Variants in HTR1E observed in about 807,000 individuals in gnomAD.
HTR1E encodes the protein 5-HT-1E.
A neutral mutation model predicts 3.4 loss-of-function variants in HTR1E; 3 were observed. That is an observed-to-expected ratio of 0.89 (90% CI 0.41 to 2.31). The LOEUF (loss-of-function observed/expected upper bound fraction) is 2.31. HTR1E is among the 30% of genes most tolerant of loss of function. HTR1E has a pLI of 0.05. For synonymous variants in HTR1E, 170 were observed against 182.8 expected (o/e 0.93, Z 0.56); for missense variants, 392 against 467.0 (o/e 0.84, Z 1.48).
At chr6:87,014,676 A>G (rs1301521184) in intron 1 of HTR1E, among the ~76,000 whole-genome samples, 2 of 152,128 alleles carry the variant, frequency 1.3e-5, no homozygotes, top group African/African-American at 4.8e-5. Context: ...TGAGTTGGAA[A>G]CCATATTCTC....
At chr6:86,981,996 AC>A (rs143055973) in intron 1 of HTR1E, among the ~76,000 whole-genome samples, 20,663 of 152,106 alleles carry the variant, frequency 0.14, 1,714 homozygotes, top group East Asian at 0.27. Context: ...ATGTATCTGA[AC>A]CCTTAGCCCT....
chr6:86,950,773 A>G (rs1210741472), intron 1 of HTR1E, among the ~76,000 whole-genome samples: 1 of 152,188 alleles, frequency 6.6e-6, no homozygotes. Context: ...TTAGATGAGT[A>G]AATTGGACCA....
intron 1 of HTR1E, among the ~76,000 whole-genome samples, chr6:86,966,961 T>C (rs981604591): frequency 1.3e-5 from 2 of 152,186 alleles, no homozygotes; most frequent in Non-Finnish European, 2.9e-5. Flanking sequence ...ACAAGGCACA[T>C]AAAATGCACA....
intron 1 of HTR1E, among the ~76,000 whole-genome samples, chr6:86,959,065 G>A (rs1451771775): frequency 6.6e-6 from 1 of 151,916 alleles, no homozygotes; most frequent in Non-Finnish European, 1.5e-5. Flanking sequence ...AGGGTAGGCA[G>A]GTAGGCTGGA....
At chr6:86,975,114 T>C (rs1767612178) in intron 1 of HTR1E, among the ~76,000 whole-genome samples, 1 of 152,168 alleles carries the variant, frequency 6.6e-6, no homozygotes, top group Non-Finnish European at 1.5e-5. Flanking sequence ...CTTAAAATCA[T>C]GGGAATGTAT....
intron 1 of HTR1E, among the ~76,000 whole-genome samples, chr6:86,938,688 T>A (rs542497864): frequency 6.6e-6 from 1 of 152,190 alleles, no homozygotes; most frequent in African/African-American, 2.4e-5. Flanking sequence ...CCTTTCTTAT[T>A]GTCCTTCCTT....
chr6:87,010,594 G>C (rs1768212036), intron 1 of HTR1E, among the ~76,000 whole-genome samples: 2 of 144,424 alleles, frequency 1.4e-5, no homozygotes, highest in African/African-American at 2.6e-5. Flanking sequence ...TGTGATGGCG[G>C]CTGGGAAGAG....
intron 1 of HTR1E, among the ~76,000 whole-genome samples, chr6:86,989,749 A>T (rs1419468113): frequency 6.6e-6 from 1 of 152,184 alleles, no homozygotes. Context: ...ACAGATAGGG[A>T]AACAGAGACC....
Position 86,972,391 on chromosome 6 carries a change from T to A in HTR1E, c.-186+34568T>A, listed in dbSNP as rs149843528. On this transcript the variant is annotated intron_variant, in intron 1 of 1. Coordinates refer to ENST00000305344, the MANE Select transcript of HTR1E (RefSeq NM_000865.3). ...GAAAAAAAAGGTTACCTAAACTGAG[T>A]GAAGTAACCAACTTTTACAAGGCTC... is the stretch of plus-strand genomic sequence containing the variant. Among the ~76,000 whole-genome samples, 1,108 of 152,254 alleles carry A rather than the reference T, an allele frequency of 7.3e-3. 10 individuals are homozygous for A. The highest frequency in any genetic ancestry group is 9.6e-3 in the Non-Finnish European group (653 of 68,018).
rs1768255442 is a variant in HTR1E, at chr6:87,012,690, ATGACCGCAAACACTTACATAG to A, written c.-185-2458_-185-2438del. Among the ~76,000 whole-genome samples, 5 of 152,338 alleles carry A rather than the reference ATGACCGCAAACACTTACATAG, an allele frequency of 3.3e-5. No individual in the cohort carries two copies. The South Asian group carries it at 1.0e-3, about 32-fold the overall frequency. ...ATCACTGGGAAAATTAGTATAACAAATGACCGCAAACACTTACATAGTACTTACTATGTATTAGGCGTTGTT... is the reference window on the plus strand; with the variant it reads ...ATCACTGGGAAAATTAGTATAACAAATACTTACTATGTATTAGGCGTTGTT... On this transcript the variant is annotated intron_variant, in intron 1 of 1. Transcript: ENST00000305344.
At chr6:86,960,930 A>T (rs932520996) in intron 1 of HTR1E, among the ~76,000 whole-genome samples, 18 of 152,164 alleles carry the variant, frequency 1.2e-4, no homozygotes, top group African/African-American at 3.6e-4. Context: ...ACCCATATTT[A>T]AAAAAAATTG....
At chr6:86,968,659 T>A (rs1337507157) in intron 1 of HTR1E, among the ~76,000 whole-genome samples, 1 of 152,232 alleles carries the variant, frequency 6.6e-6, no homozygotes, top group Non-Finnish European at 1.5e-5. Context: ...AGGTGGGTGT[T>A]CTTTTTTGAA....
chr6:86,938,663 G>A (rs1398107385), intron 1 of HTR1E, among the ~76,000 whole-genome samples: 2 of 152,138 alleles, frequency 1.3e-5, no homozygotes, highest in Admixed American at 6.5e-5. Context: ...AGCATCCCAA[G>A]GTGTTTCTTC....
intron 1 of HTR1E, among the ~76,000 whole-genome samples, chr6:87,001,677 C>A (rs146933949): frequency 6.6e-6 from 1 of 152,156 alleles, no homozygotes; most frequent in Non-Finnish European, 1.5e-5. Flanking sequence ...ACAAATGAAG[C>A]ATCTGGCATC....
chr6:86,947,189 T>C (rs532041645), intron 1 of HTR1E, among the ~76,000 whole-genome samples: 174 of 152,338 alleles, frequency 1.1e-3, no homozygotes, highest in African/African-American at 4.1e-3. Context: ...TCTTGTGATA[T>C]CATTAATATT....
At position 86,962,753 on chromosome 6, in the gene HTR1E, A is replaced by G. The variant is rs189868343; in HGVS notation, c.-186+24930A>G. 7.6e-4 allele frequency among the ~76,000 whole-genome samples: 116 copies of G among 152,224 alleles called. 1 individual carries two copies. The highest frequency in any genetic ancestry group is 2.7e-3 in the African/African-American group (111 of 41,524). On this transcript the variant is annotated intron_variant, in intron 1 of 1. Coordinates refer to ENST00000305344, the MANE Select transcript of HTR1E (RefSeq NM_000865.3). ...CTCAGGAGGCTGAGGTGGGAGAATC[A>G]CTTGAACCTGGAAGGCAGAGATTGC...
chr6:87,005,011 A>G lies in HTR1E; in HGVS notation c.-185-10139A>G, dbSNP rs1020191139. 3.3e-5 allele frequency among the ~76,000 whole-genome samples: 5 copies of G among 152,162 alleles called. No individual in the cohort carries two copies. The South Asian group carries it at 6.2e-4, about 19-fold the overall frequency. ...ACAATTGCTACAAATAAAATAAAAT[A>G]CCTAGGAATAAACTTAACCAAAGAA... On this transcript the variant is annotated intron_variant, in intron 1 of 1. Coordinates refer to ENST00000305344, the MANE Select transcript of HTR1E (RefSeq NM_000865.3).
intron 1 of HTR1E, among the ~76,000 whole-genome samples, chr6:86,986,223 G>T (rs1562067756): frequency 6.6e-6 from 1 of 152,106 alleles, no homozygotes; most frequent in Non-Finnish European, 1.5e-5. Flanking sequence ...ATATCTGGAG[G>T]ACTGTTATTT....
chr6:86,954,557 C>T (rs1298120637), intron 1 of HTR1E, among the ~76,000 whole-genome samples: 2 of 152,154 alleles, frequency 1.3e-5, no homozygotes, highest in Non-Finnish European at 2.9e-5. Context: ...AGAATAGATA[C>T]GTGGTTACTG....
Sources: gnomAD v4.1 joint callset for allele counts (sites outside exome capture counted in the v4.1 genomes callset) on GRCh38, gnomAD v4.1.1 for gene constraint, MANE v1.5 for transcripts, NCBI Gene and HGNC (gene_info 2026-07-23, HGNC 2026-07-21) for gene names.